TNFSF4: variants seen among roughly 807,000 people sequenced by gnomAD.
TNFSF4 encodes tumor necrosis factor ligand superfamily member 4.
In TNFSF4, 4 loss-of-function variants were observed where a neutral mutation model predicts 7.3. That is an observed-to-expected ratio of 0.55 (90% CI 0.27 to 1.25). The LOEUF (loss-of-function observed/expected upper bound fraction) is 1.25, where lower values mean the gene tolerates loss of function less well. Among genes scored for constraint, TNFSF4 ranks in the 50% most tolerant of loss-of-function variants. The pLI, the probability that TNFSF4 is intolerant of heterozygous loss-of-function variation, is 0.12. For missense variants in TNFSF4, 181 were observed against 208.8 expected (o/e 0.87, Z 0.82); for synonymous variants, 76 against 83.7 (o/e 0.91, Z 0.50).
At chr1:173,304,716 G>C in the TNFSF4 span, among the ~76,000 whole-genome samples, 1 of 151,944 alleles carries the variant, frequency 6.6e-6, no homozygotes, top group African/African-American at 2.4e-5. Flanking sequence ...CTCTCCACAG[G>C]ACTGCTTAAG....
the TNFSF4 span, among the ~76,000 whole-genome samples, chr1:173,317,799 G>C: frequency 4.6e-5 from 7 of 152,142 alleles, no homozygotes; most frequent in East Asian, 1.9e-4. Context: ...TTTTCCGTTA[G>C]AGAGGGCAAT....
the TNFSF4 span, among the ~76,000 whole-genome samples, chr1:173,272,473 G>A: frequency 1.3e-5 from 2 of 151,990 alleles, no homozygotes; most frequent in Admixed American, 6.6e-5. Flanking sequence ...GTCAGAAGGA[G>A]CCAAATCAGG....
At chr1:173,271,060 G>A in the TNFSF4 span, among the ~76,000 whole-genome samples, 2 of 152,104 alleles carry the variant, frequency 1.3e-5, no homozygotes, top group African/African-American at 4.8e-5. Context: ...TTAAAGAACT[G>A]AGATTCTAAA....
the TNFSF4 span, among the ~76,000 whole-genome samples, chr1:173,214,780 A>G: frequency 6.6e-6 from 1 of 152,172 alleles, no homozygotes; most frequent in Admixed American, 6.5e-5. Context: ...TCTCTGTGTC[A>G]GGCACAAAAG....
the TNFSF4 span, among the ~76,000 whole-genome samples, chr1:173,258,460 C>T: frequency 6.6e-6 from 1 of 152,096 alleles, no homozygotes; most frequent in South Asian, 2.1e-4. Context: ...ATGCATTTTC[C>T]ATGGATCTAT....
chr1:173,337,196 T>C, the TNFSF4 span, among the ~76,000 whole-genome samples: 4 of 152,160 alleles, frequency 2.6e-5, no homozygotes, highest in African/African-American at 9.7e-5. Context: ...AGCAAAACCC[T>C]GCAATACTCC....
chr1:173,381,372 C>A, the TNFSF4 span, among the ~76,000 whole-genome samples: 1 of 152,218 alleles, frequency 6.6e-6, no homozygotes, highest in Non-Finnish European at 1.5e-5. Context: ...TGAAATCAGA[C>A]AATGCCTCTC....
the TNFSF4 span, among the ~76,000 whole-genome samples, chr1:173,315,523 T>A: frequency 6.6e-6 from 1 of 152,106 alleles, no homozygotes; most frequent in South Asian, 2.1e-4. Context: ...AGAAAACCCA[T>A]GAAATCATAC....
At chr1:173,338,392 T>C in the TNFSF4 span, among the ~76,000 whole-genome samples, 1 of 152,166 alleles carries the variant, frequency 6.6e-6, no homozygotes, top group South Asian at 2.1e-4. Flanking sequence ...AAGAACTCAC[T>C]TCACAGAAAA....
the TNFSF4 span, among the ~76,000 whole-genome samples, chr1:173,427,990 TTGC>T: frequency 6.6e-6 from 1 of 151,742 alleles, no homozygotes; most frequent in African/African-American, 2.4e-5. Flanking sequence ...TCTTGCTTTG[TTGC>T]CCAAGCTGAA....
At chr1:173,323,952 A>C in the TNFSF4 span, among the ~76,000 whole-genome samples, 199 of 152,346 alleles carry the variant, frequency 1.3e-3, no homozygotes, top group African/African-American at 4.6e-3. Context: ...GATATTGTCC[A>C]CAAGAACTTC....
At chr1:173,304,054 A>G in the TNFSF4 span, among the ~76,000 whole-genome samples, 1 of 151,916 alleles carries the variant, frequency 6.6e-6, no homozygotes, top group Non-Finnish European at 1.5e-5. Context: ...TATTTCTGCT[A>G]TAAAGGTGTG....
chr1:173,365,807 G>T, the TNFSF4 span, among the ~76,000 whole-genome samples: 1 of 152,132 alleles, frequency 6.6e-6, no homozygotes, highest in African/African-American at 2.4e-5. Context: ...TTTGGGGTAT[G>T]ATCTGCATGA....
At chr1:173,440,718 A>T in the TNFSF4 span, 39 of 152,322 alleles carry the variant, frequency 2.6e-4, no homozygotes, top group African/African-American at 8.9e-4. Context: ...ATTTGCTTGC[A>T]TTGTGTGATC....
At chr1:173,205,438 T>C in intron 1 of TNFSF4, 1 of 1,575,042 alleles carries the variant, frequency 6.3e-7, no homozygotes, top group Non-Finnish European at 8.6e-7. Flanking sequence ...TGGATATTGA[T>C]AGTCCAATGT....
At chr1:173,303,744 T>A in the TNFSF4 span, among the ~76,000 whole-genome samples, 1 of 151,958 alleles carries the variant, frequency 6.6e-6, no homozygotes, top group African/African-American at 2.4e-5. Flanking sequence ...TTCTACACTA[T>A]TTGTGTATGC....
At chr1:173,321,807 C>T in the TNFSF4 span, among the ~76,000 whole-genome samples, 1 of 152,078 alleles carries the variant, frequency 6.6e-6, no homozygotes, top group Admixed American at 6.6e-5. Context: ...ATTAAAAAGT[C>T]AGGAAATGAG....
At chr1:173,442,551 G>GTTTT in the TNFSF4 span, among the ~76,000 whole-genome samples, 1 of 119,400 alleles carries the variant, frequency 8.4e-6, no homozygotes, top group African/African-American at 3.6e-5. Context: ...TTTTGTTTTT[G>GTTTT]TTTTTTTTTT....
chr1:173,314,145 T>C, the TNFSF4 span, among the ~76,000 whole-genome samples: 1 of 152,110 alleles, frequency 6.6e-6, no homozygotes, highest in Non-Finnish European at 1.5e-5. Context: ...TCTATATGAT[T>C]TCCATCTGTG....
Sources: allele counts gnomAD v4.1 joint callset (sites outside exome capture counted in the v4.1 genomes callset), GRCh38; gene constraint gnomAD v4.1.1; transcripts MANE v1.5; gene names NCBI Gene and HGNC (gene_info 2026-07-23, HGNC 2026-07-21).